GREB1L: variants seen among roughly 807,000 people sequenced by gnomAD.
GREB1L encodes GREB1-like protein.
A neutral mutation model predicts 200.8 loss-of-function variants in GREB1L; 17 were observed. The observed-to-expected ratio is 0.08, with a 90% CI of 0.06 to 0.13. The LOEUF (loss-of-function observed/expected upper bound fraction) is 0.13. Among genes scored for constraint, GREB1L ranks in the 10% least tolerant of loss-of-function variants. The pLI is 1.00. For synonymous variants in GREB1L, 789 were observed against 893.0 expected (o/e 0.88, Z 2.08); for missense variants, 1,657 against 2,367.7 (o/e 0.70, Z 6.23).
At chr18:21,399,735 G>A (rs1050455758) in intron 5 of GREB1L, among the ~76,000 whole-genome samples, 1 of 152,210 alleles carries the variant, frequency 6.6e-6, no homozygotes, top group Non-Finnish European at 1.5e-5. Context: ...CAGAGGTTAT[G>A]AATATCTCTT....
At chr18:21,298,802 C>T (rs576931895) in intron 1 of GREB1L, among the ~76,000 whole-genome samples, 8 of 152,120 alleles carry the variant, frequency 5.3e-5, no homozygotes, top group Admixed American at 2.6e-4. Context: ...GGTATGGTGG[C>T]GCATGCCTGT....
chr18:21,482,956 T>C (rs28374835), intron 17 of GREB1L, among the ~76,000 whole-genome samples: 1 of 152,236 alleles, frequency 6.6e-6, no homozygotes, highest in Non-Finnish European at 1.5e-5. Flanking sequence ...ACTCATAGTT[T>C]AAAGGATGGT....
At chr18:21,388,889 A>G (rs1231637010) in intron 4 of GREB1L, among the ~76,000 whole-genome samples, 1 of 152,062 alleles carries the variant, frequency 6.6e-6, no homozygotes, top group Admixed American at 6.6e-5. Flanking sequence ...AGGTTATGGG[A>G]TCTGGGGAGG....
intron 1 of GREB1L, among the ~76,000 whole-genome samples, chr18:21,273,100 G>A (rs1380617919): frequency 2.0e-5 from 3 of 152,118 alleles, no homozygotes; most frequent in Non-Finnish European, 1.5e-5. Flanking sequence ...GGTTGCGGGT[G>A]CCTGTAATCC....
chr18:21,500,141 G>A lies in GREB1L; in HGVS notation c.3804G>A (p.Leu1268=), dbSNP rs1253258183. The A allele has an allele frequency of 1.9e-6, 3 of 1,551,438 alleles. No individual in the cohort carries two copies. Among genetic ancestry groups the A allele is most frequent in the African/African-American group, 2.7e-5 (2 of 73,060 alleles). The part of the protein sequence containing the change: ...PHADVAWVSS[L]RPLLNKDMSS... ...CCGACGTGGCCTGGGTGAGCTCCCT[G>A]CGGCCACTCCTGAACAAGGACATGA... The change falls in exon 22 of 33, where the codon CTG becomes CTA. Residue 1268 remains leucine, a synonymous_variant. Transcript: ENST00000424526.
intron 23 of GREB1L, among the ~76,000 whole-genome samples, chr18:21,504,163 A>C (rs572363541): frequency 4.5e-4 from 69 of 152,154 alleles, no homozygotes; most frequent in Middle Eastern, 6.8e-3. Flanking sequence ...ACCTCAAATG[A>C]TCTGCCTGCC....
At chr18:21,278,393 TAAA>T (rs2038210238) in intron 1 of GREB1L, among the ~76,000 whole-genome samples, 2 of 80,904 alleles carry the variant, frequency 2.5e-5, no homozygotes, top group Non-Finnish European at 2.4e-5. Flanking sequence ...AAAAAAAAAA[TAAA>T]TAAATAAATA....
Position 21,515,506 on chromosome 18 carries a change from A to G in GREB1L, c.4991A>G (p.Tyr1664Cys). Residue 1664 changes from tyrosine to cysteine, a missense_variant, in exon 29 of 33, where the codon TAT becomes TGT. Coordinates refer to ENST00000424526, the MANE Select transcript of GREB1L (RefSeq NM_001142966.3). ...HIEATPKIVH[Y>C]AILGIQKWSS... is the part of the protein sequence containing the mutation. ...GAAGCCACACCAAAAATTGTCCACTATGCAATCTTGGGCATACAGAAATGG... is the reference window on the plus strand; with the variant it reads ...GAAGCCACACCAAAAATTGTCCACTGTGCAATCTTGGGCATACAGAAATGG... The G allele has an allele frequency of 1.3e-6, 2 of 1,551,684 alleles. No homozygotes were observed. The highest frequency in any genetic ancestry group is 1.7e-6 in the Non-Finnish European group (2 of 1,146,962).
intron 7 of GREB1L, among the ~76,000 whole-genome samples, chr18:21,412,933 T>C (rs939967304): frequency 6.6e-6 from 1 of 151,734 alleles, no homozygotes; most frequent in Non-Finnish European, 1.5e-5. Context: ...GATGCTATGG[T>C]GTAATAATAA....
intron 17 of GREB1L, among the ~76,000 whole-genome samples, chr18:21,477,906 G>A (rs939335783): frequency 6.6e-6 from 1 of 152,130 alleles, no homozygotes; most frequent in Non-Finnish European, 1.5e-5. Flanking sequence ...TGATTAGGTG[G>A]TTCTTAGGTA....
intron 1 of GREB1L, among the ~76,000 whole-genome samples, chr18:21,289,431 T>C (rs2038411242): frequency 6.6e-6 from 1 of 151,744 alleles, no homozygotes; most frequent in African/African-American, 2.4e-5. Context: ...ACCAGCTACT[T>C]GGGAGGCTGA....
chr18:21,340,697 C>G (rs1013738660), intron 1 of GREB1L, among the ~76,000 whole-genome samples: 3 of 151,902 alleles, frequency 2.0e-5, no homozygotes, highest in Admixed American at 6.6e-5. Flanking sequence ...CGCACGCCAC[C>G]ATGCCTGGCT....
chr18:21,314,561 A>C (rs1232149481), intron 1 of GREB1L, among the ~76,000 whole-genome samples: 1 of 152,198 alleles, frequency 6.6e-6, no homozygotes, highest in Non-Finnish European at 1.5e-5. Flanking sequence ...GAAATGGGGA[A>C]GAAGAACTTA....
At chr18:21,424,352 G>C (rs749299923) in intron 7 of GREB1L, among the ~76,000 whole-genome samples, 5 of 152,290 alleles carry the variant, frequency 3.3e-5, no homozygotes, top group Non-Finnish European at 7.4e-5. Context: ...CGAATCACTT[G>C]AGGCCAGGAG....
chr18:21,250,716 T>G (rs2037688434), intron 1 of GREB1L, among the ~76,000 whole-genome samples: 1 of 152,252 alleles, frequency 6.6e-6, no homozygotes, highest in Non-Finnish European at 1.5e-5. Context: ...ACTCTGAGTC[T>G]GTTACCATAA....
chr18:21,440,033 T>C (rs1286359691), intron 8 of GREB1L, among the ~76,000 whole-genome samples: 1 of 152,214 alleles, frequency 6.6e-6, no homozygotes, highest in East Asian at 1.9e-4. Flanking sequence ...TGAAATAACC[T>C]ACATAAACTT....
chr18:21,383,526 A>G lies in GREB1L; in HGVS notation c.8A>G (p.Asn3Ser). 1.5e-6 allele frequency: 2 copies of G among 1,366,980 alleles called. No homozygotes were observed. The highest frequency in any genetic ancestry group is 1.7e-5 in the South Asian group (1 of 57,604). 84.7% of individuals were successfully genotyped at this position (1,366,980 alleles called of 1,614,324 possible). A position where few individuals can be genotyped will look rare whatever the true frequency, so the allele number is the denominator to read the frequency against. Reference protein sequence around the residue: MGNSYAGQLKSAR... With the variant: MGSSYAGQLKSAR... Reference sequence around the variant, plus strand: ...GATGGGTAGGTGTAGATCATGGGGAATTCATATGCTGGGCAACTGAAATCT... The same window carrying G: ...GATGGGTAGGTGTAGATCATGGGGAGTTCATATGCTGGGCAACTGAAATCT... Residue 3 changes from asparagine (N) to serine (S), a missense_variant, in exon 3 of 33, where the codon AAT becomes AGT. Asn to Ser is a conservative substitution (Grantham distance 46). This residue lies in a region of GREB1L where 121 missense variants were observed against 126.6 expected (regional missense o/e 0.96). Coordinates refer to ENST00000424526, the MANE Select transcript of GREB1L (RefSeq NM_001142966.3).
chr18:21,330,734 GAAA>G (rs1007645641), intron 1 of GREB1L, among the ~76,000 whole-genome samples: 1 of 149,648 alleles, frequency 6.7e-6, no homozygotes, highest in African/African-American at 2.4e-5. Flanking sequence ...GAATGAGTCT[GAAA>G]AAAAAAATTT....
intron 1 of GREB1L, among the ~76,000 whole-genome samples, chr18:21,307,886 A>G (rs540629182): frequency 7.3e-5 from 11 of 150,480 alleles, no homozygotes; most frequent in East Asian, 1.9e-4. Context: ...GGTTCCTGTA[A>G]TCAATCCTTC....
Sources: gnomAD v4.1 joint callset for allele counts (sites outside exome capture counted in the v4.1 genomes callset) on GRCh38, gnomAD v4.1.1 for gene constraint, gnomAD v4.1.1 regional missense constraint, MANE v1.5 for transcripts, NCBI Gene and HGNC (gene_info 2026-07-23, HGNC 2026-07-21) for gene names.